ADAMTS17: variants seen among roughly 807,000 people sequenced by gnomAD.
ADAMTS17 encodes the protein A disintegrin and metalloproteinase with thrombospondin motifs 17.
In ADAMTS17, 113 loss-of-function variants were observed where a neutral mutation model predicts 141.5. That is an observed-to-expected ratio of 0.80 (90% CI 0.69 to 0.93). The LOEUF (loss-of-function observed/expected upper bound fraction) is 0.93, where lower values mean the gene tolerates loss of function less well. Among genes scored for constraint, ADAMTS17 ranks in the 40% least tolerant of loss-of-function variants. The pLI, the probability that ADAMTS17 is intolerant of heterozygous loss-of-function variation, is 0.00. For synonymous variants in ADAMTS17, 768 were observed against 630.6 expected (o/e 1.22, Z -3.27); for missense variants, 1,659 against 1,517.9 (o/e 1.09, Z -1.54).
intron 2 of ADAMTS17, 25 bp from the exon 3 acceptor site, chr15:100,331,079 C>T (rs751774197): frequency 3.3e-5 from 54 of 1,613,738 alleles, no homozygotes; most frequent in African/African-American, 2.1e-4. Context: ...GAAGGAAACG[C>T]GATGTCGGTC....
chr15:99,995,905 T>C (rs2060792164), intron 19 of ADAMTS17, among the ~76,000 whole-genome samples: 2 of 152,188 alleles, frequency 1.3e-5, no homozygotes, highest in South Asian at 4.1e-4. Context: ...GGTATGCACA[T>C]AGATACAGAC....
chr15:100,147,737 C>T (rs1374324389), intron 10 of ADAMTS17, among the ~76,000 whole-genome samples: 2 of 152,170 alleles, frequency 1.3e-5, no homozygotes, highest in Non-Finnish European at 2.9e-5. Context: ...ATACCTTTTA[C>T]TTTTATGTAT....
At chr15:100,303,400 C>T (rs1055613214) in intron 3 of ADAMTS17, among the ~76,000 whole-genome samples, 1 of 151,514 alleles carries the variant, frequency 6.6e-6, no homozygotes, top group African/African-American at 2.4e-5. Context: ...CTTCTCCCAT[C>T]ATATGAGTTG....
chr15:100,258,723 G>GT (rs1395777892), intron 6 of ADAMTS17, among the ~76,000 whole-genome samples: 48 of 152,144 alleles, frequency 3.2e-4, no homozygotes, highest in African/African-American at 1.2e-3. Context: ...CAGCAAAACC[G>GT]TATCATTTTG....
intron 3 of ADAMTS17, among the ~76,000 whole-genome samples, chr15:100,312,167 C>T (rs971422564): frequency 1.3e-5 from 2 of 152,204 alleles, no homozygotes; most frequent in Non-Finnish European, 2.9e-5. Context: ...AAATGTGATC[C>T]AGCTAAGGTT....
At position 100,057,488 on chromosome 15, in the gene ADAMTS17, C is replaced by G. The variant is rs572679877; in HGVS notation, c.2138-3434G>C. 5.9e-5 allele frequency among the ~76,000 whole-genome samples: 9 copies of G among 152,264 alleles called. No individual in the cohort carries two copies. The East Asian group carries it at 1.5e-3, about 26-fold the overall frequency. ...GACCGGCTGAGTCCCATATCCACAC[C>G]CTGCCAGTGACAGACTCCAACACGG... On this transcript the variant is annotated intron_variant, in intron 15 of 21. Coordinates refer to ENST00000268070, the MANE Select transcript of ADAMTS17 (RefSeq NM_139057.4).
chr15:100,249,710 G>A (rs1267127229), intron 7 of ADAMTS17, among the ~76,000 whole-genome samples: 1 of 152,238 alleles, frequency 6.6e-6, no homozygotes, highest in Non-Finnish European at 1.5e-5. Context: ...AATCAGAAAT[G>A]CAGACTGGGC....
In ADAMTS17 at chr15:100,235,115, G is replaced by A. The variant is rs554152574; in HGVS notation, c.1075+19021C>T. Among the ~76,000 whole-genome samples the A allele has an allele frequency of 2.6e-5, 4 of 152,254 alleles. No individual in the cohort carries two copies. The South Asian group carries it at 8.3e-4, about 32-fold the overall frequency. ...GATTCGAGAACAGGAAGGCAGACGC[G>A]GGCCCACGATGAGATAGGATGCAGG... On this transcript the variant is annotated intron_variant, in intron 7 of 21. Transcript: ENST00000268070.
intron 15 of ADAMTS17, among the ~76,000 whole-genome samples, chr15:100,085,503 A>G (rs1317712788): frequency 6.6e-6 from 1 of 151,850 alleles, no homozygotes; most frequent in African/African-American, 2.4e-5. Context: ...CACCACAAAG[A>G]TACTCCTCGA....
chr15:100,341,815 C>T lies in ADAMTS17; in HGVS notation c.79+6G>A, dbSNP rs549238195. ...GGGTGAAGAGGGCTGTGGGAGGGGG[C>T]GCTACCTGTGCCCGGGTCCAGTCCC... On this transcript the variant is annotated splice_donor_region_variant and intron_variant, in intron 1 of 21. Transcript: ENST00000268070. 47 of 1,550,420 alleles carry T rather than the reference C, an allele frequency of 3.0e-5. No homozygotes were observed. The South Asian group carries it at 5.4e-4, about 18-fold the overall frequency.
intron 15 of ADAMTS17, among the ~76,000 whole-genome samples, chr15:100,093,864 C>T (rs2035610378): frequency 6.6e-6 from 1 of 152,092 alleles, no homozygotes; most frequent in Non-Finnish European, 1.5e-5. Flanking sequence ...AGTCATGCTG[C>T]ATAAATAACC....
intron 2 of ADAMTS17, among the ~76,000 whole-genome samples, chr15:100,340,587 T>C (rs1489125457): frequency 6.6e-6 from 1 of 151,644 alleles, no homozygotes; most frequent in Admixed American, 6.6e-5. Flanking sequence ...GGAAGGGAGG[T>C]GAATGCCCAC....
At chr15:100,027,699 G>A (rs554174401) in intron 18 of ADAMTS17, among the ~76,000 whole-genome samples, 29 of 152,298 alleles carry the variant, frequency 1.9e-4, no homozygotes, top group Admixed American at 1.2e-3. Flanking sequence ...TTCCTGCTCC[G>A]GTAAATTCCT....
intron 3 of ADAMTS17, among the ~76,000 whole-genome samples, chr15:100,307,085 A>T (rs2045250927): frequency 6.6e-6 from 1 of 152,200 alleles, no homozygotes; most frequent in Admixed American, 6.5e-5. Flanking sequence ...TATCTAGGCC[A>T]CCTAAGAGGG....
At chr15:100,322,990 G>A (rs925798436) in intron 3 of ADAMTS17, among the ~76,000 whole-genome samples, 4 of 151,436 alleles carry the variant, frequency 2.6e-5, no homozygotes, top group Non-Finnish European at 4.4e-5. Flanking sequence ...AGGAGGCTGA[G>A]GCAGGAGAAT....
intron 20 of ADAMTS17, among the ~76,000 whole-genome samples, chr15:99,985,795 T>C (rs1016775900): frequency 6.6e-6 from 1 of 152,204 alleles, no homozygotes; most frequent in Non-Finnish European, 1.5e-5. Context: ...TGAGATACCC[T>C]GAGGGAACGT....
intron 7 of ADAMTS17, among the ~76,000 whole-genome samples, chr15:100,230,463 G>A (rs764228432): frequency 5.6e-4 from 86 of 152,322 alleles, no homozygotes; most frequent in Non-Finnish European, 8.8e-4. Context: ...AGCAGGGAGG[G>A]ATCTGAGGCC....
chr15:100,085,696 A>C (rs1052641202), intron 15 of ADAMTS17, among the ~76,000 whole-genome samples: 1 of 150,796 alleles, frequency 6.6e-6, no homozygotes, highest in Admixed American at 6.6e-5. Context: ...AATATTCAAC[A>C]TTCTTAAAGA....
At chr15:100,265,118 G>C (rs1034669232) in intron 4 of ADAMTS17, among the ~76,000 whole-genome samples, 3 of 152,178 alleles carry the variant, frequency 2.0e-5, no homozygotes, top group Non-Finnish European at 4.4e-5. Context: ...ACCAAGGCCT[G>C]AACACAGCTC....
Sources: gnomAD v4.1 joint callset for allele counts (sites outside exome capture counted in the v4.1 genomes callset) on GRCh38, gnomAD v4.1.1 for gene constraint, MANE v1.5 for transcripts, NCBI Gene and HGNC (gene_info 2026-07-23, HGNC 2026-07-21) for gene names.